Variants in RBFOX1 observed in about 807,000 individuals in gnomAD.
RBFOX1 encodes the protein RNA binding fox-1 homolog 1.
RBFOX1 carries 8 observed loss-of-function variants against 57.7 expected under a neutral mutation model. The ratio of observed to expected loss-of-function variants is 0.14; its 90% CI spans 0.08 to 0.25. RBFOX1 has a LOEUF of 0.25. Ranked by LOEUF, RBFOX1 falls within the 10% of genes least tolerant of loss-of-function variation. RBFOX1 has a pLI of 1.00. For synonymous variants in RBFOX1, 326 were observed against 222.4 expected, an observed-to-expected ratio of 1.47 and a Z score of -4.15; for missense variants, 611 against 548.5, an observed-to-expected ratio of 1.11 and a Z score of -1.14.
At position 6,978,869 on chromosome 16, in the gene RBFOX1, T is replaced by A. The variant is rs560196434; in HGVS notation, c.-15-73188T>A. On this transcript the variant is annotated intron_variant, in intron 3 of 15. Coordinates refer to ENST00000550418, the MANE Select transcript of RBFOX1 (RefSeq NM_018723.4). ...TCGCGCAGAGCTGCTTCATTGCATT[T>A]TTGCCCTGATGATGCTTTCGGATGC... Among the ~76,000 whole-genome samples the A allele has an allele frequency of 9.3e-4, 141 of 152,252 alleles. 1 individual carries two copies. Among genetic ancestry groups the A allele is most frequent in the African/African-American group, 3.1e-3 (129 of 41,550 alleles).
In RBFOX1 at chr16:6,641,778, A is replaced by AAAAAAAAG. The variant is rs1568006199; in HGVS notation, c.-63-12825_-63-12824insAAAAAAAG. ...AAAAAAAAAAAAAAAAAAAAAAAAA[A>AAAAAAAAG]TAGGTTCTGCCCTGAGCCTTTCAGG... On this transcript the variant is annotated intron_variant, in intron 2 of 15. Coordinates refer to ENST00000550418, the MANE Select transcript of RBFOX1 (RefSeq NM_018723.4). Among the ~76,000 whole-genome samples the AAAAAAAAG allele has an allele frequency of 8.8e-4, 28 of 31,794 alleles. 3 individuals carry two copies. Among genetic ancestry groups the AAAAAAAAG allele is most frequent in the Non-Finnish European group, 1.2e-3 (21 of 17,146 alleles). 20.9% of individuals were successfully genotyped at this position (31,794 alleles called of 152,430 possible).
intron 4 of RBFOX1, among the ~76,000 whole-genome samples, chr16:7,124,629 AAC>A: frequency 6.7e-6 from 1 of 149,820 alleles, no homozygotes; most frequent in Non-Finnish European, 1.5e-5. Context: ...CCAATAGGGC[AAC>A]ACATGATAGC....
At chr16:5,847,766 A>C (rs563259553) in intron 3 of RBFOX1, among the ~76,000 whole-genome samples, 3 of 152,152 alleles carry the variant, frequency 2.0e-5, no homozygotes, top group Admixed American at 6.5e-5. Flanking sequence ...CGTGCAACAA[A>C]CATTATAGCC....
At chr16:6,941,460 C>A (rs959344198) in intron 3 of RBFOX1, among the ~76,000 whole-genome samples, 1 of 151,854 alleles carries the variant, frequency 6.6e-6, no homozygotes, top group Non-Finnish European at 1.5e-5. Context: ...AGTCCTCTAA[C>A]ATACTGTAAA....
At chr16:6,790,018 G>C (rs989389092) in intron 3 of RBFOX1, among the ~76,000 whole-genome samples, 1 of 150,696 alleles carries the variant, frequency 6.6e-6, no homozygotes, top group Non-Finnish European at 1.5e-5. Flanking sequence ...TTTTTTGTTT[G>C]TTTGAATTTA....
Position 6,911,611 on chromosome 16 carries a change from A to G in RBFOX1, c.-15-140446A>G, listed in dbSNP as rs578164303. ...TTACCTCTGTAAAGACCCTGCTTCC[A>G]AATCACGTCTCACAGATCCTAAGGG... On this transcript the variant is annotated intron_variant, in intron 3 of 15. Coordinates refer to ENST00000550418, the MANE Select transcript of RBFOX1 (RefSeq NM_018723.4). Among the ~76,000 whole-genome samples the G allele has an allele frequency of 7.9e-5, 12 of 152,310 alleles. 1 individual carries two copies. In the South Asian group the frequency reaches 2.3e-3, roughly 29 times the overall value.
intron 1 of RBFOX1, among the ~76,000 whole-genome samples, chr16:6,127,070 C>T (rs564710259): frequency 1.3e-5 from 2 of 152,216 alleles, no homozygotes; most frequent in African/African-American, 4.8e-5. Flanking sequence ...GGACCCACAT[C>T]CATGGGAAGA....
chr16:7,577,531 G>T (rs34774669), intron 5 of RBFOX1, among the ~76,000 whole-genome samples: 48,414 of 152,140 alleles, frequency 0.32, 8,936 homozygotes, highest in East Asian at 0.53. Context: ...TGGCAAGCCT[G>T]GCTGAACCTC....
At chr16:7,693,260 G>A in intron 14 of RBFOX1, 6 of 1,504,934 alleles carry the variant, frequency 4.0e-6, no homozygotes, top group Non-Finnish European at 5.5e-6. Context: ...GCAATTGGCA[G>A]AGAGCACATT....
intron 3 of RBFOX1, among the ~76,000 whole-genome samples, chr16:5,758,470 G>A (rs2151637787): frequency 6.6e-6 from 1 of 152,306 alleles, no homozygotes; most frequent in Non-Finnish European, 1.5e-5. Flanking sequence ...CCAAAGCGCA[G>A]CACAGTGGCC....
intron 5 of RBFOX1, chr16:7,519,700 C>T (rs1044458657): frequency 1.9e-5 from 19 of 985,360 alleles, no homozygotes; most frequent in Non-Finnish European, 2.2e-5. Flanking sequence ...TCGTCTGGAA[C>T]ATTTTTTGAG....
intron 2 of RBFOX1, among the ~76,000 whole-genome samples, chr16:6,499,325 G>C (rs1424858641): frequency 6.6e-6 from 1 of 151,728 alleles, no homozygotes; most frequent in Non-Finnish European, 1.5e-5. Context: ...CATTATGCCT[G>C]TTTCCTTTGG....
chr16:7,673,953 T>G (rs930820835), intron 13 of RBFOX1, among the ~76,000 whole-genome samples: 2 of 152,202 alleles, frequency 1.3e-5, no homozygotes, highest in African/African-American at 4.8e-5. Context: ...GTGTTCCTTT[T>G]ACAGACATCA....
rs1476772736 is a variant in RBFOX1, at chr16:6,773,127, G to A, written c.-16+118477G>A. Among the ~76,000 whole-genome samples the A allele has an allele frequency of 3.0e-5, 4 of 135,284 alleles. No individual in the cohort carries two copies. In the South Asian group the frequency reaches 1.0e-3, roughly 35 times the overall value. 88.8% of individuals were successfully genotyped at this position (135,284 alleles called of 152,430 possible). On this transcript the variant is annotated intron_variant, in intron 3 of 15. Transcript: ENST00000550418. ...ATTTGTGCGTGTATGTGTATATTGGGGTGTGGGGTGCATTTGTGTTTGTGT... is the reference window on the plus strand; with the variant it reads ...ATTTGTGCGTGTATGTGTATATTGGAGTGTGGGGTGCATTTGTGTTTGTGT...
At chr16:7,579,054 G>C (rs1010935602) in intron 5 of RBFOX1, among the ~76,000 whole-genome samples, 1 of 152,216 alleles carries the variant, frequency 6.6e-6, no homozygotes, top group African/African-American at 2.4e-5. Context: ...ATTCAGTATG[G>C]AAGCAATAAC....
chr16:7,567,607 CTTTA>C (rs2092166567), intron 5 of RBFOX1, among the ~76,000 whole-genome samples: 1 of 17,154 alleles, frequency 5.8e-5, no homozygotes, highest in African/African-American at 1.3e-4. Flanking sequence ...ATATATATCC[CTTTA>C]TATGGCCCTA....
chr16:6,910,877 C>T (rs1458639866), intron 3 of RBFOX1, among the ~76,000 whole-genome samples: 1 of 152,042 alleles, frequency 6.6e-6, no homozygotes, highest in Non-Finnish European at 1.5e-5. Context: ...GTCTTTATAC[C>T]TTTGCCTTCC....
chr16:5,692,168 TGTGTGTGTG>T (rs1567404256), intron 3 of RBFOX1, among the ~76,000 whole-genome samples: 3,163 of 143,200 alleles, frequency 0.022, 58 homozygotes, highest in Middle Eastern at 0.06. Flanking sequence ...GGACTGACTG[TGTGTGTGTG>T]TGTGTGTGTG....
chr16:7,252,014 G>A (rs2094515969), intron 4 of RBFOX1, among the ~76,000 whole-genome samples: 1 of 152,200 alleles, frequency 6.6e-6, no homozygotes, highest in South Asian at 2.1e-4. Flanking sequence ...AAGCTCTACA[G>A]TATTTGGGTG....
Sources: gnomAD v4.1 joint callset for allele counts (sites outside exome capture counted in the v4.1 genomes callset) on GRCh38, gnomAD v4.1.1 for gene constraint, MANE v1.5 for transcripts, NCBI Gene and HGNC (gene_info 2026-07-23, HGNC 2026-07-21) for gene names.